The following SEL1L2 variants were observed in gnomAD, a reference collection of about 807,000 sequenced individuals.
SEL1L2 encodes the protein protein sel-1 homolog 2.
In SEL1L2, 89 loss-of-function variants were observed where a neutral mutation model predicts 98.8. The observed-to-expected ratio is 0.90, with a 90% CI of 0.76 to 1.07. The LOEUF is 1.07. SEL1L2 is among the 50% of genes least tolerant of loss of function. The pLI is 0.00. For missense variants in SEL1L2, 788 were observed against 812.0 expected (o/e 0.97, Z 0.36); for synonymous variants, 262 against 278.5 (o/e 0.94, Z 0.59).
intron 5 of SEL1L2, among the ~76,000 whole-genome samples, chr20:13,912,122 T>C (rs964174660): frequency 6.6e-6 from 1 of 152,116 alleles, no homozygotes; most frequent in African/African-American, 2.4e-5. Flanking sequence ...GTTTCATCAT[T>C]ATCCTAACTT....
chr20:13,895,070 G>A (rs999569673), intron 5 of SEL1L2, among the ~76,000 whole-genome samples: 2 of 152,082 alleles, frequency 1.3e-5, no homozygotes, highest in African/African-American at 4.8e-5. Context: ...CTAGCAAACT[G>A]AATTCATGGC....
At position 13,870,151 on chromosome 20, in the gene SEL1L2, C is replaced by T. The variant is rs774423219; in HGVS notation, c.1157G>A (p.Gly386Glu). 2.5e-6 allele frequency: 4 copies of T among 1,605,588 alleles called. No homozygotes were observed. Among genetic ancestry groups the T allele is most frequent in the Non-Finnish European group, 2.6e-6 (3 of 1,173,480 alleles). Reference sequence around the variant, plus strand: ...AATAATTTAACTTACCAGGGGAACTCCTTTTCCATGAAAGTAAAGAAGACC... The same window carrying T: ...AATAATTTAACTTACCAGGGGAACTTCTTTTCCATGAAAGTAAAGAAGACC... ...GLGLLYFHGK[G>E]VPLNYAEALK... The change falls in exon 13 of 20, where the codon GGA becomes GAA. Residue 386 changes from glycine to glutamate, a missense_variant. Gly to Glu is a moderately conservative substitution (Grantham distance 98). Transcript: ENST00000284951.
intron 3 of SEL1L2, among the ~76,000 whole-genome samples, 193 bp downstream of exon 3, chr20:13,931,408 CAG>C (rs1295100065): frequency 2.0e-5 from 3 of 149,826 alleles, no homozygotes; most frequent in Non-Finnish European, 4.4e-5. Flanking sequence ...GCCTGGATAA[CAG>C]AGTGAGACCC....
At chr20:13,875,747 T>C (rs555994704) in intron 12 of SEL1L2, among the ~76,000 whole-genome samples, 2 of 152,358 alleles carry the variant, frequency 1.3e-5, no homozygotes, top group South Asian at 2.1e-4. Flanking sequence ...TGGCCTCATC[T>C]ACTGCATAAG....
chr20:13,886,360 G>T lies in SEL1L2; in HGVS notation c.828C>A (p.Asn276Lys), dbSNP rs1314391435. 2.5e-6 allele frequency: 4 copies of T among 1,612,982 alleles called. No individual in the cohort carries two copies. The highest frequency in any genetic ancestry group is 3.4e-6 in the Non-Finnish European group (4 of 1,179,156). Reference sequence around the variant, plus strand: ...ATATGTCCCAATCCAAAATCTCACTGTTAGAACTCAGATTTTCAGGTCTTT... The same window carrying T: ...ATATGTCCCAATCCAAAATCTCACTTTTAGAACTCAGATTTTCAGGTCTTT... Reference protein sequence around the residue: ...LTERPENLSSNSEILDWDIYQ... With the variant: ...LTERPENLSSKSEILDWDIYQ... Residue 276 changes from asparagine to lysine, a missense_variant, in exon 9 of 20, where the codon AAC (asparagine) becomes AAA (lysine). Physicochemically the swap from Asn to Lys is moderately conservative, Grantham distance 94. Transcript: ENST00000284951.
At chr20:13,861,774 C>T (rs1032334595) in intron 17 of SEL1L2, among the ~76,000 whole-genome samples, 1 of 152,156 alleles carries the variant, frequency 6.6e-6, no homozygotes, top group African/African-American at 2.4e-5. Flanking sequence ...AGTTATGCCT[C>T]ACCTGCCCTC....
chr20:13,977,071 A>T (rs2051576883), intron 1 of SEL1L2, among the ~76,000 whole-genome samples: 3 of 152,232 alleles, frequency 2.0e-5, no homozygotes, highest in Admixed American at 2.0e-4. Flanking sequence ...CATTAACAAG[A>T]GAAAAAACAC....
chr20:13,929,311 A>G (rs2049027319), intron 3 of SEL1L2, among the ~76,000 whole-genome samples: 1 of 151,766 alleles, frequency 6.6e-6, no homozygotes, highest in Non-Finnish European at 1.5e-5. Flanking sequence ...CTGACTTAGT[A>G]CTTTTAGATG....
intron 10 of SEL1L2, among the ~76,000 whole-genome samples, chr20:13,882,938 T>C (rs995600323): frequency 1.4e-5 from 2 of 146,638 alleles, no homozygotes; most frequent in Non-Finnish European, 3.0e-5. Flanking sequence ...TGCCTCAGCC[T>C]CCCAAGTAGC....
chr20:13,955,483 A>G (rs1199676443), intron 2 of SEL1L2, among the ~76,000 whole-genome samples: 1 of 152,172 alleles, frequency 6.6e-6, no homozygotes, highest in Non-Finnish European at 1.5e-5. Flanking sequence ...ATGCAATAAC[A>G]TCAAGAAGAC....
At position 13,888,496 on chromosome 20, in the gene SEL1L2, G is replaced by A. The variant is rs780294940; in HGVS notation, c.566C>T (p.Ser189Phe). ...CKAQNALGFL[S>F]SYGIGMEYDQ... ...ATATTCCATTCCTATTCCATAAGAA[G>A]ACAAAAATCCTAATGCCTAAAGCAC... Residue 189 changes from serine (S) to phenylalanine (F), a missense_variant, in exon 6 of 20, where the codon TCT becomes TTT. Coordinates refer to ENST00000284951, the MANE Select transcript of SEL1L2 (RefSeq NM_025229.2). The A allele has an allele frequency of 1.3e-6, 2 of 1,561,692 alleles. No individual in the cohort carries two copies. The highest frequency in any genetic ancestry group is 1.7e-6 in the Non-Finnish European group (2 of 1,143,396).
chr20:13,972,827 T>C (rs952748947), intron 1 of SEL1L2, among the ~76,000 whole-genome samples: 2 of 152,216 alleles, frequency 1.3e-5, no homozygotes, highest in Non-Finnish European at 2.9e-5. Context: ...ATTTTCTCAT[T>C]ATCCATAAAG....
At chr20:13,880,615 T>A (rs1390378251) in intron 10 of SEL1L2, among the ~76,000 whole-genome samples, 2 of 151,976 alleles carry the variant, frequency 1.3e-5, no homozygotes, top group Non-Finnish European at 2.9e-5. Flanking sequence ...CATCCATCCA[T>A]CCATCCATCC....
chr20:13,916,797 C>G (rs6042427), intron 4 of SEL1L2, among the ~76,000 whole-genome samples: 1 of 151,848 alleles, frequency 6.6e-6, no homozygotes, highest in African/African-American at 2.4e-5. Context: ...CAGAGTGAGA[C>G]TCTGTCTCAA....
intron 1 of SEL1L2, among the ~76,000 whole-genome samples, chr20:13,972,054 G>GAC (rs949291507): frequency 4.0e-5 from 6 of 151,260 alleles, no homozygotes; most frequent in Admixed American, 1.3e-4. Context: ...TGTGTGTGAG[G>GAC]ACACACACAC....
intron 5 of SEL1L2, among the ~76,000 whole-genome samples, chr20:13,896,545 C>T (rs1012281396): frequency 2.7e-5 from 4 of 148,042 alleles, no homozygotes; most frequent in Admixed American, 1.4e-4. Context: ...TAAATGAATT[C>T]AGCAAAGCTG....
intron 1 of SEL1L2, among the ~76,000 whole-genome samples, chr20:13,989,303 CT>C (rs987882866): frequency 7.9e-5 from 12 of 151,338 alleles, no homozygotes; most frequent in African/African-American, 2.4e-4. Context: ...AGAAATAGAA[CT>C]TTTTTTTTGT....
intron 5 of SEL1L2, among the ~76,000 whole-genome samples, chr20:13,897,372 A>C (rs2047468463): frequency 6.6e-6 from 1 of 152,242 alleles, no homozygotes; most frequent in African/African-American, 2.4e-5. Flanking sequence ...TATCACAACA[A>C]ATGTGCAGAC....
intron 18 of SEL1L2, among the ~76,000 whole-genome samples, chr20:13,855,753 T>A (rs1252757947): frequency 6.6e-6 from 1 of 152,244 alleles, no homozygotes; most frequent in Non-Finnish European, 1.5e-5. Context: ...CCACATCTAC[T>A]TCTTGGCTGC....
Sources: gnomAD v4.1 joint callset for allele counts (sites outside exome capture counted in the v4.1 genomes callset) on GRCh38, gnomAD v4.1.1 for gene constraint, MANE v1.5 for transcripts, NCBI Gene and HGNC (gene_info 2026-07-23, HGNC 2026-07-21) for gene names.